The following ACCSL variants were observed in gnomAD, a reference collection of about 807,000 sequenced individuals.
The protein encoded by ACCSL is probable inactive 1-aminocyclopropane-1-carboxylate synthase-like protein 2.
ACCSL carries 55 observed loss-of-function variants against 61.7 expected under a neutral mutation model. The ratio of observed to expected loss-of-function variants is 0.89; its 90% CI spans 0.72 to 1.12. ACCSL has a LOEUF of 1.12. ACCSL is among the 50% of genes most tolerant of loss of function. The pLI is 0.00. For synonymous variants in ACCSL, 258 were observed against 264.3 expected (o/e 0.98, Z 0.23); for missense variants, 632 against 698.0 (o/e 0.91, Z 1.07).
At chr11:43,943,281 C>A in the ACCSL span, 2 of 1,482,596 alleles carry the variant, frequency 1.3e-6, no homozygotes, top group South Asian at 1.3e-5. The surrounding 1 kb of genome is among the most constrained non-coding windows in gnomAD (Gnocchi z 4.8). Context: ...TAAGGGGCGC[C>A]GCCCGCGGGG....
chr11:44,051,355 G>A lies in ACCSL; in HGVS notation c.656G>A (p.Arg219Gln), dbSNP rs371463744. ...TACAGCCTGCGGGAAGAAGTGGCCC[G>A]GTTCCTGACCTACTACTGCAGGGCA... ...GQPFLREEVA[R>Q]FLTYYCRAPT... The change falls in exon 4 of 14, where the codon CGG becomes CAG. Residue 219 changes from arginine (R) to glutamine (Q), a missense_variant. Coordinates refer to ENST00000378832, the MANE Select transcript of ACCSL (RefSeq NM_001031854.2). 5.1e-5 allele frequency: 82 copies of A among 1,614,040 alleles called. No individual in the cohort carries two copies. Among genetic ancestry groups the A allele is most frequent in the African/African-American group, 2.3e-4 (17 of 74,912 alleles).
chr11:44,039,828 G>T, the ACCSL span, among the ~76,000 whole-genome samples: 1 of 152,212 alleles, frequency 6.6e-6, no homozygotes, highest in African/African-American at 2.4e-5. Context: ...TTGCTTCTGT[G>T]TAGACCCCTA....
the ACCSL span, among the ~76,000 whole-genome samples, chr11:43,987,935 C>A: frequency 5.3e-5 from 8 of 152,054 alleles, no homozygotes; most frequent in Non-Finnish European, 8.8e-5. Flanking sequence ...CCCCACCCCC[C>A]CGCAGGGAAT....
the ACCSL span, chr11:43,943,811 G>C: frequency 1.5e-6 from 2 of 1,302,702 alleles, no homozygotes; most frequent in South Asian, 2.5e-5. The surrounding 1 kb of genome is among the most constrained non-coding windows in gnomAD (Gnocchi z 4.8). Context: ...TTTATTTAAC[G>C]ATCTTTTTAC....
the ACCSL span, among the ~76,000 whole-genome samples, chr11:44,024,409 A>G: frequency 8.3e-5 from 12 of 144,830 alleles, no homozygotes; most frequent in Non-Finnish European, 1.5e-4. Flanking sequence ...TCTCCCATGT[A>G]TATCTCTCTC....
chr11:44,051,200 G>A, intron 3 of ACCSL, 135 bp from the exon 4 acceptor site: 2 of 865,492 alleles, frequency 2.3e-6, no homozygotes, highest in South Asian at 1.4e-5. Context: ...GGAGTTGATG[G>A]TCTTAGTCAG....
At chr11:43,935,632 G>A in the ACCSL span, among the ~76,000 whole-genome samples, 21 of 152,350 alleles carry the variant, frequency 1.4e-4, no homozygotes, top group Non-Finnish European at 2.6e-4. Flanking sequence ...GTGAGTGTTC[G>A]ACAGATGACT....
intron 5 of ACCSL, 144 bp downstream of exon 5, chr11:44,051,863 G>C: frequency 2.2e-6 from 2 of 899,610 alleles, no homozygotes; most frequent in South Asian, 3.0e-5. Context: ...ACACTGACTA[G>C]GTTATCTTCC....
At chr11:44,043,773 G>C (rs1458138253), upstream of ACCSL, among the ~76,000 whole-genome samples, 1 of 152,018 alleles carries the variant, frequency 6.6e-6, no homozygotes, top group African/African-American at 2.4e-5. Flanking sequence ...CTTCTTCCAG[G>C]TTAGTAATTT....
At chr11:43,951,214 C>A in the ACCSL span, among the ~76,000 whole-genome samples, 1 of 152,132 alleles carries the variant, frequency 6.6e-6, no homozygotes, top group Non-Finnish European at 1.5e-5. Context: ...ATAGAGAGAA[C>A]CTAGAAACCT....
chr11:44,001,779 G>C, the ACCSL span, among the ~76,000 whole-genome samples: 1 of 28,414 alleles, frequency 3.5e-5, no homozygotes, highest in African/African-American at 1.3e-4. Context: ...AAGGGGCTGT[G>C]TGTGTGTGTG....
the ACCSL span, among the ~76,000 whole-genome samples, chr11:44,013,598 C>T: frequency 2.0e-5 from 3 of 152,118 alleles, no homozygotes; most frequent in Non-Finnish European, 2.9e-5. Context: ...TGGCCAAGCA[C>T]GTCTTAATAA....
At chr11:44,012,326 G>T in the ACCSL span, among the ~76,000 whole-genome samples, 11 of 147,480 alleles carry the variant, frequency 7.5e-5, no homozygotes, top group South Asian at 1.7e-3. Context: ...CGCTCTTTTT[G>T]CCCAGGCGGG....
chr11:43,931,593 C>G, the ACCSL span, among the ~76,000 whole-genome samples: 5 of 152,184 alleles, frequency 3.3e-5, no homozygotes, highest in African/African-American at 1.2e-4. Context: ...GGAAAGTTCC[C>G]TGACATCTCT....
chr11:44,007,843 C>T, the ACCSL span, among the ~76,000 whole-genome samples: 1 of 152,200 alleles, frequency 6.6e-6, no homozygotes, highest in African/African-American at 2.4e-5. Context: ...TCTGTACATG[C>T]TCACTTTTAT....
the ACCSL span, among the ~76,000 whole-genome samples, chr11:43,954,270 C>T: frequency 6.6e-6 from 1 of 152,058 alleles, no homozygotes; most frequent in East Asian, 1.9e-4. Flanking sequence ...TTGTCTCACG[C>T]CGAGGAAATC....
the ACCSL span, among the ~76,000 whole-genome samples, chr11:43,928,285 A>G: frequency 0.11 from 14,997 of 141,190 alleles, 858 homozygotes; most frequent in Middle Eastern, 0.22. Flanking sequence ...GGCCTGGGGG[A>G]CACCTCTAGG....
At chr11:43,952,301 G>A in the ACCSL span, among the ~76,000 whole-genome samples, 2 of 152,040 alleles carry the variant, frequency 1.3e-5, no homozygotes, top group African/African-American at 2.4e-5. Flanking sequence ...TTTAGTGCTC[G>A]CTTATAAGTG....
chr11:44,005,193 G>C, the ACCSL span, among the ~76,000 whole-genome samples: 2 of 151,956 alleles, frequency 1.3e-5, no homozygotes, highest in Admixed American at 1.3e-4. Flanking sequence ...CCCTCGACAA[G>C]AGTCCCACTC....
Sources: gnomAD v4.1 joint callset for allele counts (sites outside exome capture counted in the v4.1 genomes callset) on GRCh38, gnomAD v4.1.1 for gene constraint, Gnocchi (gnomAD v3.1) non-coding constraint, MANE v1.5 for transcripts, NCBI Gene and HGNC (gene_info 2026-07-23, HGNC 2026-07-21) for gene names.